The following GRK4 variants were observed in gnomAD, a reference collection of about 807,000 sequenced individuals.
GRK4 encodes the protein G protein-coupled receptor kinase 4, also known as G protein-coupled receptor kinase 2-like.
A neutral mutation model predicts 77.9 loss-of-function variants in GRK4; 73 were observed. That is an observed-to-expected ratio of 0.94 (90% confidence interval 0.78 to 1.14). The LOEUF is 1.14. GRK4 is among the 50% of genes most tolerant of loss of function. The pLI is 0.00. For synonymous variants in GRK4, 257 were observed against 254.4 expected, an observed-to-expected ratio of 1.01 and a Z score of -0.10; for missense variants, 729 against 700.2, an observed-to-expected ratio of 1.04 and a Z score of -0.46.
At chr4:2,999,624 C>T (rs1020051520) in intron 4 of GRK4, among the ~76,000 whole-genome samples, 9 of 152,152 alleles carry the variant, frequency 5.9e-5, no homozygotes, top group Admixed American at 1.3e-4. Context: ...ATAAACAAAA[C>T]ATTAATGCCA....
At chr4:3,031,732 CAG>C (rs1478214670) in intron 12 of GRK4, among the ~76,000 whole-genome samples, 2 of 152,154 alleles carry the variant, frequency 1.3e-5, no homozygotes, top group Admixed American at 6.5e-5. Flanking sequence ...GTGGAGCTGA[CAG>C]AGTGCTTGCT....
intron 1 of GRK4, chr4:2,965,483 C>T (rs73189480): frequency 0.04 from 28,202 of 702,754 alleles, 749 homozygotes; most frequent in East Asian, 0.055. Context: ...CAGCTCTGCT[C>T]GGACTGTGCT....
intron 1 of GRK4, chr4:2,965,559 CTG>C (rs1717394219): frequency 1.5e-6 from 1 of 667,226 alleles, no homozygotes; most frequent in Non-Finnish European, 2.7e-6. Flanking sequence ...AAAGGACAGT[CTG>C]GAGCCGAAGG....
chr4:3,005,805 C>CATAA (rs546295668), intron 5 of GRK4, among the ~76,000 whole-genome samples: 30 of 151,958 alleles, frequency 2.0e-4, no homozygotes, highest in East Asian at 1.7e-3. Flanking sequence ...GACTCTGTCT[C>CATAA]ATAAATAAAT....
chr4:3,012,299 A>T (rs1048404593), intron 7 of GRK4, among the ~76,000 whole-genome samples: 6 of 152,200 alleles, frequency 3.9e-5, no homozygotes, highest in Non-Finnish European at 8.8e-5. Context: ...AAGATTTTTT[A>T]AAAGGAGGTT....
chr4:3,005,548 A>G (rs1422795974), intron 5 of GRK4, among the ~76,000 whole-genome samples: 1 of 152,110 alleles, frequency 6.6e-6, no homozygotes, highest in African/African-American at 2.4e-5. Context: ...CACGCCGGTA[A>G]TCCCAGCACT....
intron 4 of GRK4, among the ~76,000 whole-genome samples, chr4:2,997,771 G>A (rs2109750142): frequency 6.6e-6 from 1 of 151,986 alleles, no homozygotes; most frequent in East Asian, 1.9e-4. Context: ...AGCCGGCCAT[G>A]GTGGTGCACG....
intron 10 of GRK4, 132 bp downstream of exon 10, chr4:3,022,583 G>A: frequency 2.6e-6 from 2 of 777,096 alleles, no homozygotes; most frequent in Non-Finnish European, 4.2e-6. Context: ...AAAACTCTGT[G>A]GTATGTGTTC....
At chr4:2,986,986 T>A (rs575866066) in intron 2 of GRK4, 3 of 338,250 alleles carry the variant, frequency 8.9e-6, no homozygotes, top group Non-Finnish European at 1.7e-5. Flanking sequence ...ATACAACTTA[T>A]CCATTTAAAG....
intron 15 of GRK4, 96 bp downstream of exon 15, chr4:3,038,609 C>A: frequency 7.3e-7 from 1 of 1,370,732 alleles, no homozygotes; most frequent in Non-Finnish European, 9.9e-7. Flanking sequence ...TTTCTGTTTG[C>A]GATGGCTCCT....
At chr4:2,964,225 T>C (rs1716710115) in intron 1 of GRK4, 103 bp downstream of exon 1, 2 of 948,010 alleles carry the variant, frequency 2.1e-6, no homozygotes, top group Non-Finnish European at 3.1e-6. Context: ...AGAACCCCGA[T>C]TTCCCTGGAG....
intron 8 of GRK4, among the ~76,000 whole-genome samples, chr4:3,019,309 C>T (rs554049660): frequency 4.6e-5 from 7 of 152,256 alleles, no homozygotes; most frequent in South Asian, 4.1e-4. Flanking sequence ...GTGCTGAATG[C>T]GGTTGCCCGG....
chr4:3,033,683 T>C (rs1005746145), intron 12 of GRK4, among the ~76,000 whole-genome samples: 2 of 151,964 alleles, frequency 1.3e-5, no homozygotes, highest in Non-Finnish European at 2.9e-5. Flanking sequence ...GCCTCCCGGG[T>C]TCAAGGGATT....
chr4:2,990,549 G>A (rs547937860), intron 3 of GRK4, among the ~76,000 whole-genome samples: 2 of 152,218 alleles, frequency 1.3e-5, no homozygotes, highest in East Asian at 1.9e-4. Context: ...CAGCCACTGC[G>A]CCTGGCCAGT....
intron 1 of GRK4, among the ~76,000 whole-genome samples, chr4:2,974,065 G>A: frequency 6.6e-6 from 1 of 152,084 alleles, no homozygotes; most frequent in South Asian, 2.1e-4. Flanking sequence ...GCCCAGGCTG[G>A]CCTCGGACTC....
chr4:2,995,913 T>TA (rs1399292257), intron 4 of GRK4, among the ~76,000 whole-genome samples: 1 of 152,168 alleles, frequency 6.6e-6, no homozygotes, highest in Non-Finnish European at 1.5e-5. Context: ...GAATATAAGT[T>TA]ATGGTGTCCA....
chr4:3,032,055 A>C (rs1278875900), intron 12 of GRK4, among the ~76,000 whole-genome samples: 1 of 152,132 alleles, frequency 6.6e-6, no homozygotes, highest in Admixed American at 6.5e-5. Context: ...GCTGACTGTT[A>C]AATAATGGAG....
intron 1 of GRK4, among the ~76,000 whole-genome samples, chr4:2,967,510 C>T (rs1718074674): frequency 6.6e-6 from 1 of 152,138 alleles, no homozygotes; most frequent in Non-Finnish European, 1.5e-5. Context: ...AAGTGATTCT[C>T]CTGCCTCAGC....
At position 3,029,358 on chromosome 4, in the gene GRK4, C is replaced by T. The variant is rs144354307; in HGVS notation, c.1218C>T (p.Thr406=). 1.5e-3 allele frequency: 2,346 copies of T among 1,614,024 alleles called. 51 individuals are homozygous for T. The Admixed American group carries it at 0.037, about 25-fold the overall frequency. Residue 406 remains threonine, a synonymous_variant, in exon 12 of 16, where the codon ACC becomes ACT. Coordinates refer to ENST00000398052, the MANE Select transcript of GRK4 (RefSeq NM_182982.3). The part of the protein sequence containing the change: ...EEVDQRIKND[T]EEYSEKFSED... Reference sequence around the variant, plus strand: ...TCGATCAAAGAATCAAGAATGATACCGAGGAGTATTCTGAGAAGTTTTCAG... The same window carrying T: ...TCGATCAAAGAATCAAGAATGATACTGAGGAGTATTCTGAGAAGTTTTCAG...
Sources: allele counts gnomAD v4.1 joint callset (sites outside exome capture counted in the v4.1 genomes callset), GRCh38; gene constraint gnomAD v4.1.1; transcripts MANE v1.5; gene names NCBI Gene and HGNC (gene_info 2026-07-23, HGNC 2026-07-21).